PKP3: variants seen among roughly 807,000 people sequenced by gnomAD.
PKP3 encodes plakophilin 3.
A neutral mutation model predicts 76.5 loss-of-function variants in PKP3; 66 were observed. The observed-to-expected ratio is 0.86, with a 90% CI of 0.71 to 1.06. The LOEUF is 1.06. Ranked by LOEUF, PKP3 falls within the 50% of genes least tolerant of loss-of-function variation. The pLI, the probability that PKP3 is intolerant of heterozygous loss-of-function variation, is 0.00. For missense variants in PKP3, 1,338 were observed against 1,141.0 expected (o/e 1.17, Z -2.49); for synonymous variants, 638 against 516.5 (o/e 1.24, Z -3.19).
At chr11:399,667 G>C (rs945718721) in intron 5 of PKP3, among the ~76,000 whole-genome samples, 1 of 147,650 alleles carries the variant, frequency 6.8e-6, no homozygotes, top group Non-Finnish European at 1.5e-5. Context: ...TTCTACTTGG[G>C]CCTCCACTGC....
rs191081589 is a variant in PKP3, at chr11:395,043, C to T, written c.232+519C>T. On this transcript the variant is annotated intron_variant, in intron 1 of 12. Transcript: ENST00000331563. ...CCCTGAGGAATTAGAGGGGAGGGCC[C>T]GGCTGGAGTGACCTAGATTTCTCTG... Among the ~76,000 whole-genome samples, 349 of 152,232 alleles carry T rather than the reference C, an allele frequency of 2.3e-3. 1 individual carries two copies. Among genetic ancestry groups the T allele is most frequent in the African/African-American group, 7.8e-3 (325 of 41,542 alleles).
In PKP3 at chr11:404,508, T is replaced by C. The variant is rs898528530; in HGVS notation, c.2359-26T>C. On this transcript the variant is annotated intron_variant, in intron 12 of 12. Coordinates refer to ENST00000331563, the MANE Select transcript of PKP3 (RefSeq NM_007183.4). The surrounding 1 kb of genome is among the most constrained non-coding windows in gnomAD (Gnocchi z 4.2). ...GGGCCACATGGGCAGACATGCACCCTGACCTTGGGCCTCTCTCCACTGTAG... is the reference window on the plus strand; with the variant it reads ...GGGCCACATGGGCAGACATGCACCCCGACCTTGGGCCTCTCTCCACTGTAG... The C allele has an allele frequency of 6.2e-7, 1 of 1,611,648 alleles. No homozygotes were observed.
rs1170559418 is a variant in PKP3 at position 403,541 on chromosome 11, G to A, written c.1924-77G>A. 1.3e-5 allele frequency: 19 copies of A among 1,429,724 alleles called. No homozygotes were observed. The African/African-American group carries it at 1.7e-4, about 13-fold the overall frequency. The allele number at this position is 1,429,724 out of a possible 1,614,324, so 88.6% of individuals were successfully genotyped here. A position where few individuals can be genotyped will look rare whatever the true frequency, so the allele number is the denominator to read the frequency against. ...CCTGAGGGTGGCGAGAGGATGCAGC[G>A]ACCCCATTGTGGCAGGACCCCCTCA... On this transcript the variant is annotated intron_variant, in intron 9 of 12. Coordinates refer to ENST00000331563, the MANE Select transcript of PKP3 (RefSeq NM_007183.4).
rs544269907 is a variant in PKP3 at position 396,821 on chromosome 11, G to C, written c.320G>C (p.Arg107Pro). 3.8e-6 allele frequency: 6 copies of C among 1,587,394 alleles called. No homozygotes were observed. In the South Asian group the frequency reaches 6.8e-5, roughly 18 times the overall value. ...CCCCCTCTCGACCCACAGGGCTTCC[G>C]GCCCATCGCCAAGCCGGCCTACAGC... ...GLSGDKTSGF[R>P]PIAKPAYSPA... is the part of the protein sequence containing the mutation. The change falls in exon 3 of 13, where the codon CGG becomes CCG. Residue 107 changes from arginine to proline, a missense_variant. By Grantham distance (103) the Arg-to-Pro change is moderately radical. Coordinates refer to ENST00000331563, the MANE Select transcript of PKP3 (RefSeq NM_007183.4).
chr11:399,565 T>C, intron 5 of PKP3, among the ~76,000 whole-genome samples: 1 of 86,066 alleles, frequency 1.2e-5, no homozygotes, highest in African/African-American at 5.1e-5. Flanking sequence ...CCCCTCCTCC[T>C]GTCCCTCCTC....
In PKP3 at chr11:400,448, C is replaced by G. The variant is rs1433010320; in HGVS notation, c.1563C>G (p.Asp521Glu). The stretch of plus-strand genomic sequence containing the variant: ...CCCTGGACGCGGGCAAATGCGAGGA[C>G]AAGGTGAGGGGCGCGGTGTGGAGGA... ...NHALDAGKCE[D>E]KSVENAVCVL... Residue 521 changes from aspartate (D) to glutamate (E), a missense_variant, in exon 7 of 13, where the codon GAC becomes GAG. Physicochemically the swap from Asp to Glu is conservative, Grantham distance 45. Coordinates refer to ENST00000331563, the MANE Select transcript of PKP3 (RefSeq NM_007183.4). 1 of 1,544,372 alleles carries G rather than the reference C, an allele frequency of 6.5e-7. No homozygotes were observed. The highest frequency in any genetic ancestry group is 8.7e-7 in the Non-Finnish European group (1 of 1,144,410).
rs540587318 is a variant in PKP3 at position 404,884 on chromosome 11, G to A, written c.*315G>A. 4.7e-6 allele frequency: 2 copies of A among 423,896 alleles called. No individual in the cohort carries two copies. The highest frequency in any genetic ancestry group is 2.0e-5 in the African/African-American group (1 of 49,928). 26.3% of individuals were successfully genotyped at this position (423,896 alleles called of 1,614,324 possible). ...AGTATCTTGGGATAGCCAGCACTGGGAATAAAGATGGCCATGAACAGTCAC... is the reference window on the plus strand; with the variant it reads ...AGTATCTTGGGATAGCCAGCACTGGAAATAAAGATGGCCATGAACAGTCAC... On this transcript the variant is annotated 3_prime_UTR_variant, in exon 13 of 13. Transcript: ENST00000331563. This position sits in a 1 kb window ranked among gnomAD's most constrained non-coding sequence, Gnocchi z 4.2.
In PKP3 at chr11:403,188, G is replaced by A; in HGVS notation, c.1848G>A (p.Gln616=). ...QIVGLYNRLL[Q]RCELNRHTTE... Reference sequence around the variant, plus strand: ...TGGGGCTGTACAACCGGCTGCTGCAGCGCTGCGAGCTCAACCGGCACACGA... The same window carrying A: ...TGGGGCTGTACAACCGGCTGCTGCAACGCTGCGAGCTCAACCGGCACACGA... The change falls in exon 9 of 13, where the codon CAG becomes CAA. Residue 616 remains glutamine (Q), a synonymous_variant. Transcript: ENST00000331563. 1.3e-6 allele frequency: 2 copies of A among 1,589,684 alleles called. No homozygotes were observed. The highest frequency in any genetic ancestry group is 1.4e-5 in the African/African-American group (1 of 74,030).
rs1385580714 is a variant in PKP3, at chr11:400,409, C to T, written c.1524C>T (p.Thr508=). ...ECHGLVDALV[T]SINHALDAGK... ...ACGGGCTGGTGGACGCCCTGGTCAC[C>T]TCTATCAACCACGCCCTGGACGCGG... The change falls in exon 7 of 13, where the codon ACC becomes ACT. Residue 508 remains threonine, a synonymous_variant. Coordinates refer to ENST00000331563, the MANE Select transcript of PKP3 (RefSeq NM_007183.4). 1.3e-6 allele frequency: 2 copies of T among 1,548,656 alleles called. No homozygotes were observed. Among genetic ancestry groups the T allele is most frequent in the Non-Finnish European group, 1.7e-6 (2 of 1,146,142 alleles).
chr11:403,549 T>C (rs1037792187), intron 9 of PKP3, 69 bp from the exon 10 acceptor site: 3 of 1,492,100 alleles, frequency 2.0e-6, no homozygotes, highest in Non-Finnish European at 9.1e-7. Context: ...GCGACCCCAT[T>C]GTGGCAGGAC....
chr11:399,255 C>T, intron 5 of PKP3, 59 bp downstream of exon 5: 3 of 1,133,138 alleles, frequency 2.6e-6, no homozygotes, highest in Non-Finnish European at 2.4e-6. Context: ...CTGCCTATCC[C>T]CCCTGCCTTC....
In PKP3 at chr11:404,334, C is replaced by T. The variant is rs111439391; in HGVS notation, c.2358+11C>T. On this transcript the variant is annotated intron_variant, in intron 12 of 12. Coordinates refer to ENST00000331563, the MANE Select transcript of PKP3 (RefSeq NM_007183.4). The surrounding 1 kb of genome is among the most constrained non-coding windows in gnomAD (Gnocchi z 4.2). ...CGTGACTTCCGGGCGGTACGTTTCCCGAGCCCAGGGCAAGCAGGGACCCGG... is the reference window on the plus strand; with the variant it reads ...CGTGACTTCCGGGCGGTACGTTTCCTGAGCCCAGGGCAAGCAGGGACCCGG... The T allele has an allele frequency of 3.7e-6, 6 of 1,609,756 alleles. No individual in the cohort carries two copies. The highest frequency in any genetic ancestry group is 2.2e-5 in the East Asian group (1 of 44,844).
intron 1 of PKP3, among the ~76,000 whole-genome samples, chr11:395,990 C>T (rs556768326): frequency 1.3e-5 from 2 of 152,344 alleles, no homozygotes; most frequent in African/African-American, 4.8e-5. Flanking sequence ...TCCATCCACC[C>T]TCCGCCCTCC....
Position 397,404 on chromosome 11 carries a change from C to A in PKP3, c.903C>A (p.Asn301Lys). 1.2e-6 allele frequency: 2 copies of A among 1,612,030 alleles called. No homozygotes were observed. Among genetic ancestry groups the A allele is most frequent in the Non-Finnish European group, 1.7e-6 (2 of 1,179,616 alleles). Residue 301 changes from asparagine (N) to lysine (K), a missense_variant, in exon 3 of 13, where the codon AAC becomes AAA. Coordinates refer to ENST00000331563, the MANE Select transcript of PKP3 (RefSeq NM_007183.4). ...ACCTGCCGGACGTGCATGGGTTCAA[C>A]AGCTACGGTAGCCACCGAACCCTGC... ...SGHLPDVHGF[N>K]SYGSHRTLQR...
At position 397,132 on chromosome 11, in the gene PKP3, A is replaced by G. The variant is rs1406894334; in HGVS notation, c.631A>G (p.Arg211Gly). 6.3e-7 allele frequency: 1 copy of G among 1,597,926 alleles called. No individual in the cohort carries two copies. The highest frequency in any genetic ancestry group is 8.5e-7 in the Non-Finnish European group (1 of 1,179,224). Reference protein sequence around the residue: ...QLEPAATSTYRAFAYERQASS... With the variant: ...QLEPAATSTYGAFAYERQASS... The stretch of plus-strand genomic sequence containing the variant: ...GGAGCCCGCGGCCACCTCCACCTAC[A>G]GGGCCTTTGCGTACGAGCGCCAGGC... Residue 211 changes from arginine (R) to glycine (G), a missense_variant, in exon 3 of 13, where the codon AGG becomes GGG. Coordinates refer to ENST00000331563, the MANE Select transcript of PKP3 (RefSeq NM_007183.4).
chr11:404,583 G>C lies in PKP3; in HGVS notation c.*14G>C. ...CTGGGCCCATAGGTGAAGCCTTCTG[G>C]AGGAGAAGGTGACGTGGCCCAGCGT... On this transcript the variant is annotated 3_prime_UTR_variant, in exon 13 of 13. Transcript: ENST00000331563. The surrounding 1 kb of genome is among the most constrained non-coding windows in gnomAD (Gnocchi z 4.2). 6.2e-7 allele frequency: 1 copy of C among 1,611,724 alleles called. No homozygotes were observed. The highest frequency in any genetic ancestry group is 8.5e-7 in the Non-Finnish European group (1 of 1,179,080).
At position 404,856 on chromosome 11, in the gene PKP3, G is replaced by A; in HGVS notation, c.*287G>A. On this transcript the variant is annotated 3_prime_UTR_variant, in exon 13 of 13. Transcript: ENST00000331563. This position sits in a 1 kb window ranked among gnomAD's most constrained non-coding sequence, Gnocchi z 4.2. Reference sequence around the variant, plus strand: ...CAGAGGTGGGGGTTGGCTGTGGCCTGGCAGTATCTTGGGATAGCCAGCACT... The same window carrying A: ...CAGAGGTGGGGGTTGGCTGTGGCCTAGCAGTATCTTGGGATAGCCAGCACT... The A allele has an allele frequency of 4.0e-6, 2 of 501,024 alleles. No individual in the cohort carries two copies. Among genetic ancestry groups the A allele is most frequent in the Non-Finnish European group, 7.3e-6 (2 of 274,622 alleles). The allele number at this position is 501,024 out of a possible 1,614,324, so 31.0% of individuals were successfully genotyped here. A position where few individuals can be genotyped will look rare whatever the true frequency, so the allele number is the denominator to read the frequency against.
Position 400,635 on chromosome 11 carries a change from G to C in PKP3, c.1667G>C (p.Arg556Thr). 3 of 1,385,484 alleles carry C rather than the reference G, an allele frequency of 2.2e-6. No individual in the cohort carries two copies. The highest frequency in any genetic ancestry group is 2.8e-6 in the Non-Finnish European group (3 of 1,078,122). 85.8% of individuals were successfully genotyped at this position (1,385,484 alleles called of 1,614,324 possible). ...CAGCGGCTGGAGGGTCGCGGCCGCA[G>C]GGACCTGGCGGGGGCGCCGCCGGGA... ...ALQRLEGRGR[R>T]DLAGAPPGEV... Residue 556 changes from arginine to threonine, a missense_variant, in exon 8 of 13, where the codon AGG (arginine) becomes ACG (threonine). Transcript: ENST00000331563.
upstream of PKP3, among the ~76,000 whole-genome samples, chr11:393,292 C>G (rs140958738): frequency 0.054 from 8,258 of 151,854 alleles, 241 homozygotes; most frequent in Non-Finnish European, 0.067. Flanking sequence ...ATCCAGGCCT[C>G]TGCTCTTCCA....
Sources: gnomAD v4.1 joint callset for allele counts (sites outside exome capture counted in the v4.1 genomes callset) on GRCh38, gnomAD v4.1.1 for gene constraint, Gnocchi (gnomAD v3.1) non-coding constraint, MANE v1.5 for transcripts, NCBI Gene and HGNC (gene_info 2026-07-23, HGNC 2026-07-21) for gene names.